Variants in CCNT1 observed in about 807,000 individuals in gnomAD.
The protein encoded by CCNT1 is cyclin T1.
A neutral mutation model predicts 67.3 loss-of-function variants in CCNT1; 18 were observed. That is an observed-to-expected ratio of 0.27 (90% CI 0.18 to 0.40). The LOEUF is 0.40. Ranked by LOEUF, CCNT1 falls within the 10% of genes least tolerant of loss-of-function variation. The probability of loss-of-function intolerance (pLI) is 1.00; values close to 1 mark genes in which losing one functional copy is unlikely to be tolerated. For missense variants in CCNT1, 744 were observed against 884.9 expected (o/e 0.84, Z 2.02); for synonymous variants, 333 against 310.3 (o/e 1.07, Z -0.77).
In CCNT1 at chr12:48,693,003, A is replaced by T; in HGVS notation, c.*30T>A. On this transcript the variant is annotated 3_prime_UTR_variant, in exon 9 of 9. Coordinates refer to ENST00000261900, the MANE Select transcript of CCNT1 (RefSeq NM_001240.4). ...AGAAAAATTATGTGTTTTTTTAAAG[A>T]AGTTTTTTTCTCCTCTTCTTTTTCT... The T allele has an allele frequency of 2.2e-6, 3 of 1,375,054 alleles. No homozygotes were observed. Among genetic ancestry groups the T allele is most frequent in the Non-Finnish European group, 3.0e-6 (3 of 1,015,622 alleles). 85.2% of individuals were successfully genotyped at this position (1,375,054 alleles called of 1,614,324 possible).
chr12:48,698,875 G>A (rs1445044141), intron 5 of CCNT1, among the ~76,000 whole-genome samples: 1 of 151,852 alleles, frequency 6.6e-6, no homozygotes, highest in Non-Finnish European at 1.5e-5. Flanking sequence ...AGAATCGCTT[G>A]AACCCGGGAG....
chr12:48,705,738 A>G (rs1360639019), intron 3 of CCNT1, 30 bp downstream of exon 3: 7 of 1,579,330 alleles, frequency 4.4e-6, no homozygotes, highest in Non-Finnish European at 6.0e-6. Context: ...AAAAAAATTA[A>G]GAAAAACAGA....
intron 2 of CCNT1, among the ~76,000 whole-genome samples, chr12:48,712,087 A>C (rs530911231): frequency 6.6e-6 from 1 of 152,112 alleles, no homozygotes; most frequent in East Asian, 1.9e-4. Context: ...GAGCCACGGC[A>C]CCTGGCCCAC....
At chr12:48,711,863 G>A (rs1357576079) in intron 2 of CCNT1, among the ~76,000 whole-genome samples, 2 of 152,190 alleles carry the variant, frequency 1.3e-5, no homozygotes, top group African/African-American at 4.8e-5. Flanking sequence ...CACGATCTCG[G>A]CTCACTGCAA....
In CCNT1 at chr12:48,707,623, G is replaced by A. The variant is rs78022106; in HGVS notation, c.244-1727C>T. 4.9e-3 allele frequency among the ~76,000 whole-genome samples: 724 copies of A among 147,266 alleles called. 14 individuals carry two copies. In the East Asian group the frequency reaches 0.062, roughly 13 times the overall value. ...GACACTAAAGATTTTGAAAAATATCGTTTAAGAAATGTTTATGATAAATGT... is the reference window on the plus strand; with the variant it reads ...GACACTAAAGATTTTGAAAAATATCATTTAAGAAATGTTTATGATAAATGT... On this transcript the variant is annotated intron_variant, in intron 2 of 8. Coordinates refer to ENST00000261900, the MANE Select transcript of CCNT1 (RefSeq NM_001240.4).
At chr12:48,706,889 G>A in intron 2 of CCNT1, among the ~76,000 whole-genome samples, 1 of 152,042 alleles carries the variant, frequency 6.6e-6, no homozygotes, top group Non-Finnish European at 1.5e-5. Flanking sequence ...CAAGACCATA[G>A]GAGACAAAAA....
chr12:48,704,859 T>TA (rs1041477672), intron 3 of CCNT1, among the ~76,000 whole-genome samples: 9 of 152,140 alleles, frequency 5.9e-5, no homozygotes, highest in Non-Finnish European at 5.9e-5. Flanking sequence ...TATGGTGAGT[T>TA]ACGTAATTAT....
chr12:48,711,954 G>A (rs1410518783), intron 2 of CCNT1, among the ~76,000 whole-genome samples: 3 of 151,964 alleles, frequency 2.0e-5, no homozygotes, highest in Admixed American at 6.6e-5. Flanking sequence ...CGCCACGCCC[G>A]GCTAATTTTT....
At chr12:48,714,601 G>A in intron 1 of CCNT1, 77 bp from the exon 2 acceptor site, 1 of 828,018 alleles carries the variant, frequency 1.2e-6, no homozygotes, top group Admixed American at 1.9e-5. Context: ...CCTCCCAAAA[G>A]GATGAAATGG....
chr12:48,698,956 C>CAA (rs34991080), intron 5 of CCNT1, among the ~76,000 whole-genome samples: 1 of 100,970 alleles, frequency 9.9e-6, no homozygotes, highest in African/African-American at 3.7e-5. Flanking sequence ...AACTCCGTCT[C>CAA]AAAAAAAAAA....
At position 48,714,490 on chromosome 12, in the gene CCNT1, T is replaced by C; in HGVS notation, c.196A>G (p.Met66Val). 1.2e-6 allele frequency: 2 copies of C among 1,611,334 alleles called. No homozygotes were observed. The highest frequency in any genetic ancestry group is 1.7e-6 in the Non-Finnish European group (2 of 1,177,626). The stretch of plus-strand genomic sequence containing the variant: ...GACTGAATCATGTAGAATCGATGCA[T>C]GTATACTATAGCAGTGTTGATAGTC... Reference protein sequence around the residue: ...QLTINTAIVYMHRFYMIQSFT... With the variant: ...QLTINTAIVYVHRFYMIQSFT... Residue 66 changes from methionine (M) to valine (V), a missense_variant, in exon 2 of 9, where the codon ATG becomes GTG. By Grantham distance (21) the Met-to-Val change is conservative. This residue lies in a region of CCNT1 where 142 missense variants were observed against 277.0 expected (regional missense o/e 0.51). Transcript: ENST00000261900.
chr12:48,694,634 A>G (rs1396739918), intron 8 of CCNT1, among the ~76,000 whole-genome samples, 198 bp from the exon 9 acceptor site: 2 of 152,242 alleles, frequency 1.3e-5, no homozygotes, highest in Non-Finnish European at 2.9e-5. Flanking sequence ...ACAGCAATCT[A>G]TCCAAACGTT....
intron 2 of CCNT1, among the ~76,000 whole-genome samples, chr12:48,709,075 C>T (rs1940408698): frequency 6.6e-6 from 1 of 152,028 alleles, no homozygotes; most frequent in Non-Finnish European, 1.5e-5. Context: ...GAGTAAAAAC[C>T]TATCTTGGGG....
rs190961154 is a variant in CCNT1, at chr12:48,690,497, A to C, written c.*2536T>G. The C allele has an allele frequency of 6.6e-6, 1 of 152,430 alleles. No homozygotes were observed. Among genetic ancestry groups the C allele is most frequent in the East Asian group, 1.9e-4 (1 of 5,192 alleles). 9.4% of individuals were successfully genotyped at this position (152,430 alleles called of 1,614,324 possible). ...ACATCTGTTAACCCAAAAACAAAGC[A>C]GCAGCTTCATGCAGAGCCCACAAGG... On this transcript the variant is annotated 3_prime_UTR_variant, in exon 9 of 9. Transcript: ENST00000261900.
chr12:48,703,137 G>A (rs112189262), intron 3 of CCNT1, among the ~76,000 whole-genome samples: 3,067 of 151,654 alleles, frequency 0.02, 110 homozygotes, highest in African/African-American at 0.071. Flanking sequence ...CAGGGTGGCC[G>A]GGTGCAGTGG....
rs371197465 is a variant in CCNT1 at position 48,693,650 on chromosome 12, TATG to T, written c.1561_1563del (p.His521del). 2.3e-4 allele frequency: 368 copies of T among 1,611,706 alleles called. No homozygotes were observed. The African/African-American group carries it at 4.2e-3, about 19-fold the overall frequency. On this transcript the variant is annotated inframe_deletion, in exon 9 of 9. Transcript: ENST00000261900. ...TGAGAGTGCTTGTGTGAGTGGTGATTATGATGATGATGATGATTAGATGGGTGA... is the reference window on the plus strand; with the variant it reads ...TGAGAGTGCTTGTGTGAGTGGTGATTATGATGATGATGATTAGATGGGTGA...
At chr12:48,697,525 A>AC in intron 6 of CCNT1, among the ~76,000 whole-genome samples, 1 of 117,290 alleles carries the variant, frequency 8.5e-6, no homozygotes, top group East Asian at 4.0e-4. Context: ...TCTGTCTTAA[A>AC]AAAAAAAAAA....
rs1940064610 is a variant in CCNT1, at chr12:48,691,076, C to T, written c.*1957G>A. 6.6e-6 allele frequency: 1 copy of T among 152,176 alleles called. No individual in the cohort carries two copies. Among genetic ancestry groups the T allele is most frequent in the Non-Finnish European group, 1.5e-5 (1 of 68,042 alleles). The allele number at this position is 152,176 out of a possible 1,614,324, so 9.4% of individuals were successfully genotyped here. On this transcript the variant is annotated 3_prime_UTR_variant, in exon 9 of 9. Coordinates refer to ENST00000261900, the MANE Select transcript of CCNT1 (RefSeq NM_001240.4). ...GTCATCTATAAAGTGAAGTGACACT[C>T]TAAGTCAAGAAGTATTAATGATTTA...
At chr12:48,712,732 G>A (rs949739653) in intron 2 of CCNT1, among the ~76,000 whole-genome samples, 25 of 151,626 alleles carry the variant, frequency 1.6e-4, no homozygotes, top group Non-Finnish European at 5.9e-5. Flanking sequence ...CTGAGGTCAG[G>A]AGTTCAAAAC....
Sources: allele counts gnomAD v4.1 joint callset (sites outside exome capture counted in the v4.1 genomes callset), GRCh38; gene constraint gnomAD v4.1.1; regional missense constraint gnomAD v4.1.1; transcripts MANE v1.5; gene names NCBI Gene and HGNC (gene_info 2026-07-23, HGNC 2026-07-21).